STAT4: variants seen among roughly 807,000 people sequenced by gnomAD.
The protein encoded by STAT4 is signal transducer and activator of transcription 4.
STAT4 carries 42 observed loss-of-function variants against 110.5 expected under a neutral mutation model. The ratio of observed to expected loss-of-function variants is 0.38; its 90% CI spans 0.30 to 0.49. The LOEUF (loss-of-function observed/expected upper bound fraction) is 0.49. Ranked by LOEUF, STAT4 falls within the 20% of genes least tolerant of loss-of-function variation. The pLI is 0.95. For synonymous variants in STAT4, 284 were observed against 302.2 expected (o/e 0.94, Z 0.63); for missense variants, 632 against 887.9 (o/e 0.71, Z 3.66).
chr2:191,141,653 C>A (rs1333091278), intron 3 of STAT4, among the ~76,000 whole-genome samples: 1 of 149,542 alleles, frequency 6.7e-6, no homozygotes, highest in African/African-American at 2.5e-5. Context: ...ATTTTTGAGA[C>A]AGAGTCTTGC....
Position 191,066,138 on chromosome 2 carries a change from C to G in STAT4, c.630+292G>C, listed in dbSNP as rs1022069878. On this transcript the variant is annotated intron_variant, in intron 7 of 23. Transcript: ENST00000392320. This position sits in a 1 kb window ranked among gnomAD's most constrained non-coding sequence, Gnocchi z 4.3. ...TTAAGTACAGCAACTGAAACAGCCACGTCTGAAATAATGACAAATAAAAAT... is the reference window on the plus strand; with the variant it reads ...TTAAGTACAGCAACTGAAACAGCCAGGTCTGAAATAATGACAAATAAAAAT... Among the ~76,000 whole-genome samples the G allele has an allele frequency of 6.6e-6, 1 of 152,104 alleles. No homozygotes were observed. The highest frequency in any genetic ancestry group is 1.5e-5 in the Non-Finnish European group (1 of 68,024).
Position 191,112,158 on chromosome 2 carries a change from G to A in STAT4, c.273+34455C>T, listed in dbSNP as rs1321486539. 6.6e-6 allele frequency among the ~76,000 whole-genome samples: 1 copy of A among 152,142 alleles called. No individual in the cohort carries two copies. Among genetic ancestry groups the A allele is most frequent in the Non-Finnish European group, 1.5e-5 (1 of 68,020 alleles). On this transcript the variant is annotated intron_variant, in intron 3 of 23. Coordinates refer to ENST00000392320, the MANE Select transcript of STAT4 (RefSeq NM_003151.4). The surrounding 1 kb of genome is among the most constrained non-coding windows in gnomAD (Gnocchi z 4.3). ...TATGTCATTATACCTCTGTAAGGTT[G>A]TTAGAAATTATCATAAACTACATGT... is the stretch of plus-strand genomic sequence containing the variant.
intron 18 of STAT4, among the ~76,000 whole-genome samples, chr2:191,034,347 C>T (rs1346629422): frequency 8.0e-5 from 12 of 150,572 alleles, no homozygotes; most frequent in South Asian, 2.1e-4. Context: ...GGCATGAACC[C>T]GGGAGGCAGA....
chr2:191,107,598 C>T lies in STAT4; in HGVS notation c.274-31273G>A, dbSNP rs1280813356. 1.3e-5 allele frequency among the ~76,000 whole-genome samples: 2 copies of T among 152,192 alleles called. No homozygotes were observed. Among genetic ancestry groups the T allele is most frequent in the Non-Finnish European group, 2.9e-5 (2 of 68,038 alleles). On this transcript the variant is annotated intron_variant, in intron 3 of 23. Coordinates refer to ENST00000392320, the MANE Select transcript of STAT4 (RefSeq NM_003151.4). This position sits in a 1 kb window ranked among gnomAD's most constrained non-coding sequence, Gnocchi z 4.2. ...ACCCCAGGTATCTGATCTGCAGACCCATGTACAGTTAAACATTATGCTATT... is the reference window on the plus strand; with the variant it reads ...ACCCCAGGTATCTGATCTGCAGACCTATGTACAGTTAAACATTATGCTATT...
chr2:191,063,396 C>A (rs1696901810), intron 8 of STAT4, among the ~76,000 whole-genome samples: 1 of 152,172 alleles, frequency 6.6e-6, no homozygotes, highest in Non-Finnish European at 1.5e-5. Context: ...TTTTACAAGT[C>A]CTAAGTACTA....
chr2:191,076,149 C>G (rs1267138823), intron 4 of STAT4, 78 bp downstream of exon 4: 2 of 1,228,916 alleles, frequency 1.6e-6, no homozygotes, highest in African/African-American at 3.0e-5. Flanking sequence ...CCACTGTACC[C>G]TACCAAAGAT....
intron 3 of STAT4, among the ~76,000 whole-genome samples, chr2:191,101,207 A>T (rs1698141306): frequency 6.6e-6 from 1 of 152,212 alleles, no homozygotes; most frequent in Admixed American, 6.6e-5. Context: ...TGATAAAAAT[A>T]ACTGAGAAAA....
intron 14 of STAT4, 62 bp from the exon 15 acceptor site, chr2:191,041,210 T>G: frequency 1.1e-6 from 1 of 888,724 alleles, no homozygotes; most frequent in Non-Finnish European, 1.6e-6. Flanking sequence ...AATAGAAGAC[T>G]TGTTTCTATA....
rs1314944035 is a variant in STAT4, at chr2:191,043,454, T to C, written c.1252-2306A>G. 6.6e-6 allele frequency among the ~76,000 whole-genome samples: 1 copy of C among 152,210 alleles called. No homozygotes were observed. The highest frequency in any genetic ancestry group is 1.5e-5 in the Non-Finnish European group (1 of 68,040). On this transcript the variant is annotated intron_variant, in intron 14 of 23. Coordinates refer to ENST00000392320, the MANE Select transcript of STAT4 (RefSeq NM_003151.4). The surrounding 1 kb of genome is among the most constrained non-coding windows in gnomAD (Gnocchi z 4.8). Reference sequence around the variant, plus strand: ...AAAGACATAAACAAATTGTAATTCTTATATACCACTTATGCAATTGTTACA... The same window carrying C: ...AAAGACATAAACAAATTGTAATTCTCATATACCACTTATGCAATTGTTACA...
upstream of STAT4, chr2:191,151,252 C>T (rs1428220908): frequency 1.0e-6 from 1 of 985,436 alleles, no homozygotes. The surrounding 1 kb of genome is among the most constrained non-coding windows in gnomAD (Gnocchi z 4.7). Context: ...TCAGCAGTGC[C>T]AGGAAAAAGG....
chr2:191,103,426 G>A (rs1698196752), intron 3 of STAT4, among the ~76,000 whole-genome samples: 1 of 152,072 alleles, frequency 6.6e-6, no homozygotes, highest in Admixed American at 6.6e-5. Context: ...TAAAAGTCTG[G>A]AGAAGAAATT....
chr2:191,085,133 G>A (rs1697602537), intron 3 of STAT4, among the ~76,000 whole-genome samples: 1 of 150,912 alleles, frequency 6.6e-6, no homozygotes, highest in Non-Finnish European at 1.5e-5. Context: ...GGGAAAGTAA[G>A]TCTCCTCTCT....
chr2:191,096,044 A>G lies in STAT4; in HGVS notation c.274-19719T>C, dbSNP rs563454608. On this transcript the variant is annotated intron_variant, in intron 3 of 23. Transcript: ENST00000392320. ...AAGAAATGGATAAATTCCTTGACAC[A>G]TACACCCTGCCAAGACTAAACCAGG... 5.3e-5 allele frequency among the ~76,000 whole-genome samples: 8 copies of G among 152,326 alleles called. No individual in the cohort carries two copies. The East Asian group carries it at 7.7e-4, about 15-fold the overall frequency.
At chr2:191,103,447 A>G (rs750902012) in intron 3 of STAT4, among the ~76,000 whole-genome samples, 1 of 152,140 alleles carries the variant, frequency 6.6e-6, no homozygotes, top group Non-Finnish European at 1.5e-5. Flanking sequence ...TTTATATCCA[A>G]TTATAAACCT....
chr2:191,114,849 T>C (rs1216322668), intron 3 of STAT4, among the ~76,000 whole-genome samples: 1 of 152,148 alleles, frequency 6.6e-6, no homozygotes, highest in Non-Finnish European at 1.5e-5. Flanking sequence ...AGCCACATAA[T>C]GTATTGTTGA....
At chr2:191,136,388 G>T (rs1270964321) in intron 3 of STAT4, among the ~76,000 whole-genome samples, 1 of 152,196 alleles carries the variant, frequency 6.6e-6, no homozygotes, top group Non-Finnish European at 1.5e-5. Flanking sequence ...ATATTGCTGG[G>T]AGTCATAGCC....
At chr2:191,038,367 A>G (rs1696100617) in intron 16 of STAT4, among the ~76,000 whole-genome samples, 2 of 152,236 alleles carry the variant, frequency 1.3e-5, no homozygotes, top group African/African-American at 4.8e-5. Flanking sequence ...TTATTAGAAC[A>G]TTGAATCAAA....
Position 191,142,939 on chromosome 2 carries a change from A to G in STAT4, c.273+3674T>C, listed in dbSNP as rs1480886181. On this transcript the variant is annotated intron_variant, in intron 3 of 23. Transcript: ENST00000392320. This position sits in a 1 kb window ranked among gnomAD's most constrained non-coding sequence, Gnocchi z 4.1. Reference sequence around the variant, plus strand: ...GCATTGTCAAAACCCATAAAATTATACAACACAAGGAGTGAATCTTAATGT... The same window carrying G: ...GCATTGTCAAAACCCATAAAATTATGCAACACAAGGAGTGAATCTTAATGT... 6.6e-6 allele frequency among the ~76,000 whole-genome samples: 1 copy of G among 152,198 alleles called. No individual in the cohort carries two copies. Among genetic ancestry groups the G allele is most frequent in the South Asian group, 2.1e-4 (1 of 4,830 alleles).
intron 1 of STAT4, among the ~76,000 whole-genome samples, chr2:191,149,361 C>T (rs1332089350): frequency 2.6e-5 from 4 of 151,944 alleles, no homozygotes; most frequent in Non-Finnish European, 4.4e-5. Context: ...TATAAAAAAA[C>T]GTGTTGCCAA....
Sources: gnomAD v4.1 joint callset for allele counts (sites outside exome capture counted in the v4.1 genomes callset) on GRCh38, gnomAD v4.1.1 for gene constraint, Gnocchi (gnomAD v3.1) non-coding constraint, MANE v1.5 for transcripts, NCBI Gene and HGNC (gene_info 2026-07-23, HGNC 2026-07-21) for gene names.